The following SDK1 variants were observed in gnomAD, a reference collection of about 807,000 sequenced individuals.
The protein encoded by SDK1 is protein sidekick-1.
A neutral mutation model predicts 245.5 loss-of-function variants in SDK1; 157 were observed. The ratio of observed to expected loss-of-function variants is 0.64; its 90% CI spans 0.56 to 0.73. The LOEUF is 0.73. Among genes scored for constraint, SDK1 ranks in the 30% least tolerant of loss-of-function variants. The probability of loss-of-function intolerance (pLI) is 0.00; values close to 1 mark genes in which losing one functional copy is unlikely to be tolerated. For missense variants in SDK1, 3,583 were observed against 3,002.3 expected, an observed-to-expected ratio of 1.19 and a Z score of -4.52; for synonymous variants, 1,647 against 1,278.5, an observed-to-expected ratio of 1.29 and a Z score of -6.15.
chr7:3,956,688 G>C (rs1002789911), intron 7 of SDK1, among the ~76,000 whole-genome samples: 3 of 152,252 alleles, frequency 2.0e-5, no homozygotes, highest in Non-Finnish European at 2.9e-5. Context: ...ACAGTACTAT[G>C]GAGAGTGTGG....
chr7:3,537,240 T>C (rs1778915139), intron 1 of SDK1, among the ~76,000 whole-genome samples: 1 of 152,254 alleles, frequency 6.6e-6, no homozygotes, highest in Non-Finnish European at 1.5e-5. Context: ...TGTGTCTGAC[T>C]ATCCCATTAT....
chr7:4,081,848 G>T (rs1584061183), intron 22 of SDK1, among the ~76,000 whole-genome samples: 1 of 152,028 alleles, frequency 6.6e-6, no homozygotes, highest in South Asian at 2.1e-4. Flanking sequence ...ATCCATCCCT[G>T]GTTTTTTATT....
At chr7:3,419,576 C>T (rs1050598315) in intron 1 of SDK1, among the ~76,000 whole-genome samples, 2 of 152,174 alleles carry the variant, frequency 1.3e-5, no homozygotes, top group African/African-American at 4.8e-5. Flanking sequence ...TCTTCTGTAG[C>T]AGGAGCTTTG....
intron 30 of SDK1, among the ~76,000 whole-genome samples, chr7:4,157,479 A>AAGGAAGGAGGGAAGGAAGGAAGGAAAGC (rs138212351): frequency 9.8e-6 from 1 of 102,474 alleles, no homozygotes; most frequent in Non-Finnish European, 2.0e-5. Context: ...GGAAGGAGGG[A>AAGGAAGGAGGGAAGGAAGGAAGGAAAGC]AGGAAGGGAG....
chr7:3,760,085 T>G (rs537985687), intron 4 of SDK1, among the ~76,000 whole-genome samples: 1 of 152,092 alleles, frequency 6.6e-6, no homozygotes, highest in Non-Finnish European at 1.5e-5. Context: ...GTTGACTGTT[T>G]ACGCATTGTG....
chr7:4,119,922 C>G (rs961814754), intron 25 of SDK1, among the ~76,000 whole-genome samples: 5 of 148,780 alleles, frequency 3.4e-5, no homozygotes, highest in Admixed American at 3.3e-4. Flanking sequence ...TTATTAAAGT[C>G]TTAGTAAAAT....
chr7:3,519,915 A>T (rs774311555), intron 1 of SDK1, among the ~76,000 whole-genome samples: 45 of 152,236 alleles, frequency 3.0e-4, no homozygotes, highest in Non-Finnish European at 4.3e-4. Context: ...CTAGAAAGCC[A>T]TGCAAGAGAA....
chr7:3,797,656 G>T (rs190197037), intron 4 of SDK1, among the ~76,000 whole-genome samples: 2 of 149,088 alleles, frequency 1.3e-5, no homozygotes, highest in African/African-American at 5.1e-5. Context: ...TGTCATAATT[G>T]ATGAAGTTTT....
chr7:4,238,368 C>A (rs531644523), intron 42 of SDK1, among the ~76,000 whole-genome samples: 2 of 152,030 alleles, frequency 1.3e-5, no homozygotes, highest in Non-Finnish European at 2.9e-5. Flanking sequence ...ACGTGAGCCA[C>A]GGTGCCCAAC....
At chr7:4,258,501 A>C (rs920573556) in intron 44 of SDK1, among the ~76,000 whole-genome samples, 1 of 152,162 alleles carries the variant, frequency 6.6e-6, no homozygotes, top group African/African-American at 2.4e-5. Flanking sequence ...CCATATAAAT[A>C]GCGTTTCTCT....
intron 40 of SDK1, among the ~76,000 whole-genome samples, chr7:4,225,645 G>A (rs562592803): frequency 6.6e-6 from 1 of 152,304 alleles, no homozygotes; most frequent in East Asian, 1.9e-4. Context: ...CAGGCCGTGC[G>A]GATTAGAAGT....
intron 1 of SDK1, among the ~76,000 whole-genome samples, chr7:3,368,823 A>G (rs1157389397): frequency 6.6e-6 from 1 of 152,204 alleles, no homozygotes; most frequent in East Asian, 1.9e-4. Context: ...TAGGAACTGA[A>G]GAAGAGTTAG....
At chr7:3,799,184 C>T (rs1005300721) in intron 4 of SDK1, among the ~76,000 whole-genome samples, 17 of 152,216 alleles carry the variant, frequency 1.1e-4, no homozygotes, top group Middle Eastern at 3.4e-3. Flanking sequence ...TTCTTATAAA[C>T]TTCAAAATAC....
At chr7:3,525,475 G>C (rs1310979916) in intron 1 of SDK1, among the ~76,000 whole-genome samples, 1 of 152,120 alleles carries the variant, frequency 6.6e-6, no homozygotes, top group Non-Finnish European at 1.5e-5. Context: ...TAGTCTGTGA[G>C]TGTGGTTGGT....
At chr7:3,557,912 A>G (rs1327184129) in intron 1 of SDK1, among the ~76,000 whole-genome samples, 2 of 152,212 alleles carry the variant, frequency 1.3e-5, no homozygotes, top group Non-Finnish European at 2.9e-5. Context: ...CATGTAGATC[A>G]TACCATATGT....
At chr7:3,672,779 AT>A (rs1562646721) in intron 4 of SDK1, among the ~76,000 whole-genome samples, 6 of 100,430 alleles carry the variant, frequency 6.0e-5, no homozygotes, top group Non-Finnish European at 1.0e-4. Flanking sequence ...ATATATATAT[AT>A]ATATATATAT....
chr7:4,140,835 C>T (rs1779534826), intron 28 of SDK1, among the ~76,000 whole-genome samples: 1 of 152,204 alleles, frequency 6.6e-6, no homozygotes, highest in African/African-American at 2.4e-5. Context: ...GACACAGTGG[C>T]TCATACCTGC....
intron 14 of SDK1, among the ~76,000 whole-genome samples, chr7:4,007,079 CTG>C (rs1785538051): frequency 6.6e-6 from 1 of 152,214 alleles, no homozygotes; most frequent in Admixed American, 6.5e-5. Context: ...CTGCTAGACA[CTG>C]TGATGTCTGA....
At chr7:3,856,354 TG>T (rs1226948077) in intron 5 of SDK1, among the ~76,000 whole-genome samples, 4 of 152,104 alleles carry the variant, frequency 2.6e-5, no homozygotes, top group African/African-American at 7.2e-5. Flanking sequence ...CCTAGAATTT[TG>T]GCAAAATAAG....
Sources: gnomAD v4.1 joint callset for allele counts (sites outside exome capture counted in the v4.1 genomes callset) on GRCh38, gnomAD v4.1.1 for gene constraint, MANE v1.5 for transcripts, NCBI Gene and HGNC (gene_info 2026-07-23, HGNC 2026-07-21) for gene names.